Variants in CDC42EP3 observed in about 807,000 individuals in gnomAD.
CDC42EP3 encodes the protein CDC42 effector protein 3.
CDC42EP3 carries 4 observed loss-of-function variants against 15.5 expected under a neutral mutation model. The ratio of observed to expected loss-of-function variants is 0.26; its 90% confidence interval spans 0.13 to 0.59. CDC42EP3 has a LOEUF of 0.59. Among genes scored for constraint, CDC42EP3 ranks in the 20% least tolerant of loss-of-function variants. The probability of loss-of-function intolerance (pLI) is 0.89; values close to 1 mark genes in which losing one functional copy is unlikely to be tolerated. For missense variants in CDC42EP3, 309 were observed against 311.2 expected (o/e 0.99, Z 0.05); for synonymous variants, 145 against 130.3 (o/e 1.11, Z -0.77).
intron 1 of CDC42EP3, among the ~76,000 whole-genome samples, chr2:37,669,146 G>A (rs1203702927): frequency 6.6e-6 from 1 of 151,370 alleles, no homozygotes; most frequent in Non-Finnish European, 1.5e-5. Flanking sequence ...TCTTCTTGGA[G>A]GTTTTTAGGT....
rs182502645 is a variant in CDC42EP3 at position 37,648,719 on chromosome 2, G to A, written c.-235-1897C>T. On this transcript the variant is annotated intron_variant, in intron 1 of 1. Transcript: ENST00000295324. Reference sequence around the variant, plus strand: ...GTTCTCATAGTTTTAGCTCTAATTTGGGTCTTGTTGTGGTAACAAAAGTTG... The same window carrying A: ...GTTCTCATAGTTTTAGCTCTAATTTAGGTCTTGTTGTGGTAACAAAAGTTG... Among the ~76,000 whole-genome samples the A allele has an allele frequency of 4.6e-5, 7 of 152,230 alleles. No homozygotes were observed. In the East Asian group the frequency reaches 1.3e-3, roughly 29 times the overall value.
Position 37,642,503 on chromosome 2 carries a change from A to G in CDC42EP3, c.*3320T>C, listed in dbSNP as rs1665300773. ...GAGGCTAATTCTAAAATCGGATTTT[A>G]TGAGAATTGCTAGATTTGGGGCTAG... On this transcript the variant is annotated 3_prime_UTR_variant, in exon 2 of 2. Coordinates refer to ENST00000295324, the MANE Select transcript of CDC42EP3 (RefSeq NM_006449.5). 1 of 152,236 alleles carries G rather than the reference A, an allele frequency of 6.6e-6. No individual in the cohort carries two copies. The highest frequency in any genetic ancestry group is 1.5e-5 in the Non-Finnish European group (1 of 68,028). 9.4% of individuals were successfully genotyped at this position (152,236 alleles called of 1,614,324 possible).
chr2:37,672,403 A>G (rs913980474), upstream of CDC42EP3: 2 of 152,192 alleles, frequency 1.3e-5, no homozygotes, highest in Non-Finnish European at 2.9e-5. Context: ...GGATTTGCCT[A>G]AAGCTGGGGC....
At chr2:37,672,641 G>T (rs1471706967), upstream of CDC42EP3, 2 of 152,240 alleles carry the variant, frequency 1.3e-5, no homozygotes, top group East Asian at 1.9e-4. Flanking sequence ...TCCGCGAGTC[G>T]TCGGCCTGGG....
At position 37,646,512 on chromosome 2, in the gene CDC42EP3, G is replaced by C; in HGVS notation, c.76C>G (p.Leu26Val). 1 of 1,597,440 alleles carries C rather than the reference G, an allele frequency of 6.3e-7. No individual in the cohort carries two copies. Among genetic ancestry groups the C allele is most frequent in the Non-Finnish European group, 8.5e-7 (1 of 1,175,170 alleles). Residue 26 changes from leucine to valine, a missense_variant, in exon 2 of 2, where the codon CTG becomes GTG. Coordinates refer to ENST00000295324, the MANE Select transcript of CDC42EP3 (RefSeq NM_006449.5). ...GGGGGACTGATCATATCAGGAGACA[G>C]AATGTCCCTCAGTTTAAATTTCTTT... is the stretch of plus-strand genomic sequence containing the variant. ...KGKKFKLRDI[L>V]SPDMISPPLG...
At chr2:37,657,296 CGA>C (rs1175778574) in intron 1 of CDC42EP3, among the ~76,000 whole-genome samples, 19 of 152,274 alleles carry the variant, frequency 1.2e-4, no homozygotes, top group South Asian at 1.0e-3. Context: ...GAAGTCTACT[CGA>C]ATGCACCTCA....
intron 1 of CDC42EP3, among the ~76,000 whole-genome samples, chr2:37,668,643 C>G (rs1572529571): frequency 6.6e-6 from 1 of 152,198 alleles, no homozygotes. Flanking sequence ...TGTTGTTAAA[C>G]TGCACACGCA....
rs767169598 is a variant in CDC42EP3 at position 37,646,291 on chromosome 2, G to A, written c.297C>T (p.Pro99=). 3.1e-6 allele frequency: 5 copies of A among 1,614,074 alleles called. No homozygotes were observed. Among genetic ancestry groups the A allele is most frequent in the East Asian group, 2.2e-5 (1 of 44,890 alleles). ...STSDSVFTET[P]SPVLKNAISL... ...AGATGGCATTTTTGAGCACCGGGGAGGGCGTTTCTGTGAACACAGAGTCCG... is the reference window on the plus strand; with the variant it reads ...AGATGGCATTTTTGAGCACCGGGGAAGGCGTTTCTGTGAACACAGAGTCCG... Residue 99 remains proline, a synonymous_variant, in exon 2 of 2, where the codon CCC becomes CCT. Coordinates refer to ENST00000295324, the MANE Select transcript of CDC42EP3 (RefSeq NM_006449.5).
intron 1 of CDC42EP3, among the ~76,000 whole-genome samples, chr2:37,664,327 G>C (rs368522344): frequency 6.6e-5 from 10 of 152,306 alleles, no homozygotes; most frequent in African/African-American, 2.2e-4. Flanking sequence ...ACTTACACCA[G>C]TGGTTTGCCA....
rs1299948835 is a variant in CDC42EP3 at position 37,669,100 on chromosome 2, A to G, written c.-236+2326T>C. On this transcript the variant is annotated intron_variant, in intron 1 of 1. Transcript: ENST00000295324. The stretch of plus-strand genomic sequence containing the variant: ...AATCTGACTGAAAGCAAGAATCTGA[A>G]TAACAATAATAATAATAATAATACG... Among the ~76,000 whole-genome samples the G allele has an allele frequency of 4.6e-5, 7 of 152,300 alleles. No homozygotes were observed. The East Asian group carries it at 7.7e-4, about 17-fold the overall frequency.
chr2:37,656,980 C>A (rs1665872139), intron 1 of CDC42EP3, among the ~76,000 whole-genome samples: 2 of 56,918 alleles, frequency 3.5e-5, no homozygotes, highest in African/African-American at 2.0e-4. Context: ...AGTAACAAAG[C>A]CCCCCCCCCA....
At chr2:37,647,482 A>C (rs1665515988) in intron 1 of CDC42EP3, 1 of 152,232 alleles carries the variant, frequency 6.6e-6, no homozygotes, top group Non-Finnish European at 1.5e-5. Flanking sequence ...GGATGTCAGG[A>C]TTTGAAGTCA....
intron 1 of CDC42EP3, among the ~76,000 whole-genome samples, chr2:37,662,294 C>T (rs531649053): frequency 6.6e-5 from 10 of 152,178 alleles, no homozygotes; most frequent in South Asian, 4.1e-4. Context: ...TGGGTAACAA[C>T]GAGCATAAAG....
chr2:37,648,253 C>T (rs750087161), intron 1 of CDC42EP3, among the ~76,000 whole-genome samples: 1 of 152,234 alleles, frequency 6.6e-6, no homozygotes, highest in Non-Finnish European at 1.5e-5. Flanking sequence ...TCTGCCATGA[C>T]CTCTTCCCTC....
chr2:37,670,637 G>A (rs1666383240), intron 1 of CDC42EP3, among the ~76,000 whole-genome samples: 1 of 152,106 alleles, frequency 6.6e-6, no homozygotes, highest in Admixed American at 6.6e-5. Flanking sequence ...TCTCAGTAAT[G>A]TAACATTCAA....
intron 1 of CDC42EP3, among the ~76,000 whole-genome samples, chr2:37,649,333 C>T (rs13387842): frequency 0.36 from 53,697 of 150,810 alleles, 10,704 homozygotes; most frequent in East Asian, 0.59. Flanking sequence ...CACACACCTG[C>T]AGTCTTAGCT....
intron 1 of CDC42EP3, among the ~76,000 whole-genome samples, chr2:37,648,900 G>C (rs1665571091): frequency 6.6e-6 from 1 of 152,076 alleles, no homozygotes; most frequent in Admixed American, 6.5e-5. Context: ...TGGGTGGCCT[G>C]AGGAACAGCT....
At chr2:37,671,292 G>A (rs1472174543) in intron 1 of CDC42EP3, 134 bp downstream of exon 1, 3 of 152,312 alleles carry the variant, frequency 2.0e-5, no homozygotes, top group Non-Finnish European at 4.4e-5. Context: ...ATGGGAAAGC[G>A]ATGCCCTGGG....
Position 37,646,000 on chromosome 2 carries a change from G to A in CDC42EP3, c.588C>T (p.Tyr196=), listed in dbSNP as rs753756938. 2 of 1,614,002 alleles carry A rather than the reference G, an allele frequency of 1.2e-6. No homozygotes were observed. The highest frequency in any genetic ancestry group is 4.5e-5 in the East Asian group (2 of 44,870). The change falls in exon 2 of 2, where the codon TAC becomes TAT. Residue 196 remains tyrosine, a synonymous_variant. Transcript: ENST00000295324. ...ACATGTCCTCGGCTGGCCAGTCGGG[G>A]TACTGTTCGGACAGGCTGGAGGAGT... ...DSHSSSLSEQ[Y]PDWPAEDMFD...
Sources: allele counts gnomAD v4.1 joint callset (sites outside exome capture counted in the v4.1 genomes callset), GRCh38; gene constraint gnomAD v4.1.1; transcripts MANE v1.5; gene names NCBI Gene and HGNC (gene_info 2026-07-23, HGNC 2026-07-21).